TSPAN7: variants seen among roughly 807,000 people sequenced by gnomAD.
TSPAN7 encodes the protein tetraspanin-7.
A neutral mutation model predicts 17.6 loss-of-function variants in TSPAN7; 1 was observed. That is an observed-to-expected ratio of 0.06 (90% CI 0.02 to 0.27). TSPAN7 has a LOEUF of 0.27. TSPAN7 is among the 10% of genes least tolerant of loss of function. The pLI, the probability that TSPAN7 is intolerant of heterozygous loss-of-function variation, is 1.00. For missense variants in TSPAN7, 112 were observed against 201.7 expected (o/e 0.56, Z 2.69); for synonymous variants, 78 against 79.0 (o/e 0.99, Z 0.07).
intron 1 of TSPAN7, chrX:38,562,817 G>T: frequency 3.4e-6 from 1 of 293,160 alleles, no homozygotes; most frequent in Non-Finnish European, 5.6e-6. Context: ...TTCCCCCCTT[G>T]TCCCCCAAAT....
intron 1 of TSPAN7, among the ~76,000 whole-genome samples, chrX:38,662,068 T>C (rs977935346): frequency 1.8e-5 from 2 of 111,701 alleles, no homozygotes; most frequent in African/African-American, 3.3e-5. Context: ...TAGAGTGTTT[T>C]ATGGATCTTT....
At chrX:38,596,944 T>A (rs1357018765) in intron 1 of TSPAN7, among the ~76,000 whole-genome samples, 1 of 111,284 alleles carries the variant, frequency 9.0e-6, no homozygotes, top group Non-Finnish European at 1.9e-5. Context: ...AAAGGGGTCA[T>A]CTTGATATGA....
intron 1 of TSPAN7, among the ~76,000 whole-genome samples, chrX:38,609,620 ATG>A (rs895417887): frequency 1.6e-3 from 168 of 107,599 alleles, no homozygotes; most frequent in Middle Eastern, 4.8e-3. Flanking sequence ...GTGTATATAC[ATG>A]TGTGTGTGTA....
At chrX:38,668,149 C>T (rs935852835) in intron 2 of TSPAN7, among the ~76,000 whole-genome samples, 9 of 112,055 alleles carry the variant, frequency 8.0e-5, no homozygotes, top group African/African-American at 1.3e-4. Context: ...AAGTCTTTAG[C>T]GGCAAGGATG....
chrX:38,682,193 T>A (rs2069897536), intron 6 of TSPAN7, among the ~76,000 whole-genome samples: 1 of 112,022 alleles, frequency 8.9e-6, no homozygotes, highest in African/African-American at 3.3e-5. Flanking sequence ...ATTATTTTTT[T>A]ATTTCTTTTT....
rs150597881 is a variant in TSPAN7, at chrX:38,626,836, G to A, written c.82-39285G>A. On this transcript the variant is annotated intron_variant, in intron 1 of 7. Coordinates refer to ENST00000378482, the MANE Select transcript of TSPAN7 (RefSeq NM_004615.4). Reference sequence around the variant, plus strand: ...TTCTGGAGTCAGATTTGGTGGGGGGGTGCCTAGGTGGCTCTAATGGTCTTG... The same window carrying A: ...TTCTGGAGTCAGATTTGGTGGGGGGATGCCTAGGTGGCTCTAATGGTCTTG... Among the ~76,000 whole-genome samples, 375 of 110,988 alleles carry A rather than the reference G, an allele frequency of 3.4e-3. 3 individuals carry two copies. The highest frequency in any genetic ancestry group is 0.012 in the African/African-American group (363 of 30,507).
intron 3 of TSPAN7, among the ~76,000 whole-genome samples, chrX:38,671,657 T>C (rs2069821623): frequency 1.8e-5 from 2 of 111,887 alleles, no homozygotes; most frequent in Admixed American, 9.5e-5. Flanking sequence ...TCATTGTTGA[T>C]CTTCACTGTT....
At chrX:38,581,251 G>A (rs575911211) in intron 1 of TSPAN7, among the ~76,000 whole-genome samples, 3 of 112,253 alleles carry the variant, frequency 2.7e-5, no homozygotes, top group African/African-American at 6.5e-5. Flanking sequence ...TGTGTTAGTC[G>A]GTTCTCACAC....
intron 1 of TSPAN7, among the ~76,000 whole-genome samples, chrX:38,575,011 C>T (rs953152461): frequency 9.0e-6 from 1 of 111,448 alleles, no homozygotes; most frequent in Non-Finnish European, 1.9e-5. Flanking sequence ...TGCTGAAAGA[C>T]TCTGTTCCTT....
intron 1 of TSPAN7, among the ~76,000 whole-genome samples, chrX:38,593,262 C>T (rs907979343): frequency 9.1e-6 from 1 of 110,230 alleles, no homozygotes; most frequent in African/African-American, 3.3e-5. Flanking sequence ...TGTTGAGCTT[C>T]TTGAATATGT....
At chrX:38,670,510 T>G (rs2069814237) in intron 2 of TSPAN7, among the ~76,000 whole-genome samples, 6 of 112,234 alleles carry the variant, frequency 5.3e-5, no homozygotes, top group African/African-American at 1.6e-4. Context: ...ATTTACTTTT[T>G]GAAAGGCTTT....
At chrX:38,595,185 T>G (rs1569304334) in intron 1 of TSPAN7, among the ~76,000 whole-genome samples, 1 of 111,646 alleles carries the variant, frequency 9.0e-6, no homozygotes. Context: ...TCCATTTGCT[T>G]GAAGAATTTC....
rs61619425 is a variant in TSPAN7 at position 38,680,539 on chromosome X, T to TTCTCTCTCTCTCTC, written c.598-633_598-620dup. 3.7e-4 allele frequency among the ~76,000 whole-genome samples: 28 copies of TTCTCTCTCTCTCTC among 75,605 alleles called. 1 individual carries two copies. The highest frequency in any genetic ancestry group is 1.3e-3 in the East Asian group (3 of 2,223). 65.7% of individuals were successfully genotyped at this position (75,605 alleles called of 115,157 possible). A position where few individuals can be genotyped will look rare whatever the true frequency, so the allele number is the denominator to read the frequency against. On this transcript the variant is annotated intron_variant, in intron 5 of 7. Transcript: ENST00000378482. ...AGTTTCAAATAAATATACTTACAAATTCTCTCTCTCTCTCTCTCTCTCTCT... is the reference window on the plus strand; with the variant it reads ...AGTTTCAAATAAATATACTTACAAATTCTCTCTCTCTCTCTCTCTCTCTCTCTCTCTCTCTCTCT...
intron 1 of TSPAN7, among the ~76,000 whole-genome samples, chrX:38,593,755 G>T (rs1374818443): frequency 8.9e-6 from 1 of 112,269 alleles, no homozygotes; most frequent in Non-Finnish European, 1.9e-5. Context: ...CAGCAAGAAG[G>T]CCCTTGCCAG....
chrX:38,673,364 C>CTTTTTTT (rs1173827469), intron 3 of TSPAN7, among the ~76,000 whole-genome samples: 1 of 85,971 alleles, frequency 1.2e-5, no homozygotes, highest in African/African-American at 4.6e-5. Context: ...GTTTTGTTAA[C>CTTTTTTT]TTTTTTTTTT....
At chrX:38,665,191 TG>T (rs1426403125) in intron 1 of TSPAN7, among the ~76,000 whole-genome samples, 1 of 111,814 alleles carries the variant, frequency 8.9e-6, no homozygotes, top group Non-Finnish European at 1.9e-5. Flanking sequence ...GGCTCTAGGG[TG>T]GGGCCAAACT....
intron 1 of TSPAN7, among the ~76,000 whole-genome samples, chrX:38,620,390 T>C (rs2069482298): frequency 1.8e-5 from 2 of 111,898 alleles, no homozygotes; most frequent in African/African-American, 6.5e-5. Context: ...TCCTGTGAGA[T>C]AGGCTCTGAA....
chrX:38,659,823 C>CTTTTTTTTTTTT (rs748922281), intron 1 of TSPAN7, among the ~76,000 whole-genome samples: 44 of 61,584 alleles, frequency 7.1e-4, no homozygotes, highest in Non-Finnish European at 9.4e-4. Flanking sequence ...TTTTCTTTTT[C>CTTTTTTTTTTTT]TTTTTTTTTT....
chrX:38,570,274 T>C (rs2069163268), intron 1 of TSPAN7, among the ~76,000 whole-genome samples: 1 of 112,151 alleles, frequency 8.9e-6, no homozygotes, highest in Non-Finnish European at 1.9e-5. Context: ...ATGGTTATTA[T>C]GGGACTTGTA....
Sources: gnomAD v4.1 joint callset for allele counts (sites outside exome capture counted in the v4.1 genomes callset) on GRCh38, gnomAD v4.1.1 for gene constraint, MANE v1.5 for transcripts, NCBI Gene and HGNC (gene_info 2026-07-23, HGNC 2026-07-21) for gene names.